KCNQ1: variants seen among roughly 807,000 people sequenced by gnomAD.
KCNQ1 encodes the protein potassium voltage-gated channel subfamily Q member 1, also known as potassium voltage-gated channel subfamily KQT member 1.
A neutral mutation model predicts 72.4 loss-of-function variants in KCNQ1; 49 were observed. That is an observed-to-expected ratio of 0.68 (90% CI 0.54 to 0.86). KCNQ1 has a LOEUF of 0.86. Among genes scored for constraint, KCNQ1 ranks in the 40% least tolerant of loss-of-function variants. The pLI is 0.00. For synonymous variants in KCNQ1, 450 were observed against 412.6 expected (o/e 1.09, Z -1.10); for missense variants, 790 against 945.1 (o/e 0.84, Z 2.15).
chr11:2,502,956 C>G (rs116664751), intron 1 of KCNQ1, among the ~76,000 whole-genome samples: 1 of 152,240 alleles, frequency 6.6e-6, no homozygotes, highest in East Asian at 1.9e-4. Flanking sequence ...CTTCAATAAA[C>G]GATGCTGGGA....
In KCNQ1 at chr11:2,595,373, G is replaced by C. The variant is rs188128453; in HGVS notation, c.1393+6519G>C. ...AAATTGAGATTTTTAAAATACAGGCGTGTCTCATTCTTATTGACTGCACTT... is the reference window on the plus strand; with the variant it reads ...AAATTGAGATTTTTAAAATACAGGCCTGTCTCATTCTTATTGACTGCACTT... On this transcript the variant is annotated intron_variant, in intron 10 of 15. Coordinates refer to ENST00000155840, the MANE Select transcript of KCNQ1 (RefSeq NM_000218.3). The surrounding 1 kb of genome is among the most constrained non-coding windows in gnomAD (Gnocchi z 5.0). Among the ~76,000 whole-genome samples, 4 of 152,014 alleles carry C rather than the reference G, an allele frequency of 2.6e-5. No homozygotes were observed. The highest frequency in any genetic ancestry group is 7.2e-5 in the African/African-American group (3 of 41,382).
At chr11:2,800,614 C>T (rs1167857931) in intron 15 of KCNQ1, among the ~76,000 whole-genome samples, 2 of 152,174 alleles carry the variant, frequency 1.3e-5, no homozygotes, top group Admixed American at 1.3e-4. Flanking sequence ...CAGCTGTGGC[C>T]GTGAAGGTTC....
intron 10 of KCNQ1, chr11:2,640,066 T>G: frequency 4.8e-6 from 1 of 206,648 alleles, no homozygotes; most frequent in Non-Finnish European, 9.6e-6. Flanking sequence ...AAGCACAGTA[T>G]TAGGGTGGGA....
chr11:2,642,546 A>G lies in KCNQ1; in HGVS notation c.1394-19415A>G, dbSNP rs1310001677. On this transcript the variant is annotated intron_variant, in intron 10 of 15. Coordinates refer to ENST00000155840, the MANE Select transcript of KCNQ1 (RefSeq NM_000218.3). This position sits in a 1 kb window ranked among gnomAD's most constrained non-coding sequence, Gnocchi z 4.3. ...CCCTTTTTCATTTTTGATTTTATTC[A>G]TGTAGGTCTTCTCTCTTTTCTTCTT... 3 of 397,718 alleles carry G rather than the reference A, an allele frequency of 7.5e-6. No individual in the cohort carries two copies. Among genetic ancestry groups the G allele is most frequent in the Non-Finnish European group, 8.9e-6 (2 of 225,658 alleles). The allele number at this position is 397,718 out of a possible 1,614,324, so 24.6% of individuals were successfully genotyped here. A position where few individuals can be genotyped will look rare whatever the true frequency, so the allele number is the denominator to read the frequency against.
intron 11 of KCNQ1, among the ~76,000 whole-genome samples, chr11:2,747,268 G>A (rs894597332): frequency 6.6e-6 from 1 of 152,260 alleles, no homozygotes; most frequent in African/African-American, 2.4e-5. Flanking sequence ...CTTCTCCAAT[G>A]GGGACTGTGC....
At chr11:2,646,895 A>C in intron 10 of KCNQ1, 1 of 398,616 alleles carries the variant, frequency 2.5e-6, no homozygotes, top group South Asian at 1.3e-4. Context: ...TTTTGGTGGA[A>C]TCTTTAGGTT....
intron 11 of KCNQ1, among the ~76,000 whole-genome samples, chr11:2,709,693 G>A (rs1251698302): frequency 2.0e-5 from 3 of 151,954 alleles, no homozygotes; most frequent in Admixed American, 6.6e-5. Context: ...CTATCTCCAC[G>A]GGTTTGCCTG....
intron 11 of KCNQ1, among the ~76,000 whole-genome samples, chr11:2,758,170 A>G (rs889383199): frequency 6.6e-6 from 1 of 152,212 alleles, no homozygotes; most frequent in Non-Finnish European, 1.5e-5. Context: ...CATATTTGAC[A>G]CCTGGCATCT....
rs1564848720 is a variant in KCNQ1, at chr11:2,661,175, TG to T, written c.1394-781del. The T allele has an allele frequency of 2.5e-6, 1 of 398,478 alleles. No homozygotes were observed. The highest frequency in any genetic ancestry group is 1.3e-4 in the South Asian group (1 of 7,854). The allele number at this position is 398,478 out of a possible 1,614,324, so 24.7% of individuals were successfully genotyped here. A position where few individuals can be genotyped will look rare whatever the true frequency, so the allele number is the denominator to read the frequency against. On this transcript the variant is annotated intron_variant, in intron 10 of 15. Coordinates refer to ENST00000155840, the MANE Select transcript of KCNQ1 (RefSeq NM_000218.3). The surrounding 1 kb of genome is among the most constrained non-coding windows in gnomAD (Gnocchi z 5.9). ...AGTTGGCAGTTAACACTGATGACCT[TG>T]GGGGAGGAAAGCCATTGTGAATCTT...
chr11:2,722,859 G>T (rs1845692376), intron 11 of KCNQ1, among the ~76,000 whole-genome samples: 1 of 152,148 alleles, frequency 6.6e-6, no homozygotes, highest in Non-Finnish European at 1.5e-5. Flanking sequence ...CAGTATCTGA[G>T]CCACCCTTCT....
At chr11:2,833,261 C>T (rs919325305) in intron 15 of KCNQ1, among the ~76,000 whole-genome samples, 2 of 152,136 alleles carry the variant, frequency 1.3e-5, no homozygotes, top group Non-Finnish European at 1.5e-5. Flanking sequence ...CCCTGAGGGA[C>T]GGGAGGCCTG....
chr11:2,535,793 C>CAGTGAG (rs1176133911), intron 2 of KCNQ1, among the ~76,000 whole-genome samples: 2 of 152,206 alleles, frequency 1.3e-5, no homozygotes, highest in Non-Finnish European at 2.9e-5. Context: ...CTTCTGAGGC[C>CAGTGAG]GCTTTGCTGG....
In KCNQ1 at chr11:2,482,272, A is replaced by G. The variant is rs1846662509; in HGVS notation, c.386+36788A>G. On this transcript the variant is annotated intron_variant, in intron 1 of 15. Coordinates refer to ENST00000155840, the MANE Select transcript of KCNQ1 (RefSeq NM_000218.3). This position sits in a 1 kb window ranked among gnomAD's most constrained non-coding sequence, Gnocchi z 5.7. ...TACTTGGTAAAATTGAGAGGGTACTAGACAACTCATTTGTATCTTCTTACC... is the reference window on the plus strand; with the variant it reads ...TACTTGGTAAAATTGAGAGGGTACTGGACAACTCATTTGTATCTTCTTACC... Among the ~76,000 whole-genome samples the G allele has an allele frequency of 6.6e-6, 1 of 152,168 alleles. No homozygotes were observed. The highest frequency in any genetic ancestry group is 1.5e-5 in the Non-Finnish European group (1 of 68,030).
chr11:2,531,737 CACTGCTTGGAAGGCAG>C (rs1847637002), intron 2 of KCNQ1, among the ~76,000 whole-genome samples: 4 of 152,214 alleles, frequency 2.6e-5, no homozygotes, highest in Admixed American at 2.0e-4. Context: ...CTGCCTTTTC[CACTGCTTGGAAGGCAG>C]AGAGACCCTG....
In KCNQ1 at chr11:2,651,260, C is replaced by T. The variant is rs1849752414; in HGVS notation, c.1394-10701C>T. The stretch of plus-strand genomic sequence containing the variant: ...AGCTTAATTCAGGAATTAAGCTGTG[C>T]TGGTCACTTATTGAGAAAGAGCTTC... On this transcript the variant is annotated intron_variant, in intron 10 of 15. Coordinates refer to ENST00000155840, the MANE Select transcript of KCNQ1 (RefSeq NM_000218.3). This position sits in a 1 kb window ranked among gnomAD's most constrained non-coding sequence, Gnocchi z 6.1. The T allele has an allele frequency of 2.5e-6, 1 of 398,516 alleles. No individual in the cohort carries two copies. The highest frequency in any genetic ancestry group is 2.1e-5 in the African/African-American group (1 of 48,640). 24.7% of individuals were successfully genotyped at this position (398,516 alleles called of 1,614,324 possible). A position where few individuals can be genotyped will look rare whatever the true frequency, so the allele number is the denominator to read the frequency against.
chr11:2,777,056 T>G, intron 14 of KCNQ1, 24 bp downstream of exon 14: 2 of 1,613,242 alleles, frequency 1.2e-6, no homozygotes, highest in South Asian at 2.2e-5. Context: ...TCAGTTACTC[T>G]GGGCCCAGCA....
chr11:2,807,213 C>T (rs1339835811), intron 15 of KCNQ1, among the ~76,000 whole-genome samples: 1 of 152,240 alleles, frequency 6.6e-6, no homozygotes, highest in African/African-American at 2.4e-5. Context: ...CAAAATATTT[C>T]ATCGAGCCTG....
chr11:2,633,074 TTTG>T (rs1169108975), intron 10 of KCNQ1: 2 of 398,374 alleles, frequency 5.0e-6, no homozygotes, highest in African/African-American at 2.1e-5. Flanking sequence ...CTTGCCAGCA[TTTG>T]TTATGTTTTG....
At chr11:2,505,875 G>T (rs1847095647) in intron 1 of KCNQ1, among the ~76,000 whole-genome samples, 1 of 151,960 alleles carries the variant, frequency 6.6e-6, no homozygotes, top group African/African-American at 2.4e-5. Flanking sequence ...TGTGTCTTTG[G>T]CTCTAACGCG....
Sources: allele counts gnomAD v4.1 joint callset (sites outside exome capture counted in the v4.1 genomes callset), GRCh38; gene constraint gnomAD v4.1.1; non-coding constraint Gnocchi (gnomAD v3.1); transcripts MANE v1.5; gene names NCBI Gene and HGNC (gene_info 2026-07-23, HGNC 2026-07-21).